LYAR: variants seen among roughly 807,000 people sequenced by gnomAD.
LYAR encodes the protein Ly1 antibody reactive.
A neutral mutation model predicts 45.2 loss-of-function variants in LYAR; 37 were observed. That is an observed-to-expected ratio of 0.82 (90% CI 0.63 to 1.08). The LOEUF is 1.08. Among genes scored for constraint, LYAR ranks in the 50% least tolerant of loss-of-function variants. LYAR has a pLI of 0.00. For missense variants in LYAR, 493 were observed against 451.0 expected (o/e 1.09, Z -0.84); for synonymous variants, 176 against 155.1 (o/e 1.14, Z -1.00).
Position 4,279,607 on chromosome 4 carries a change from C to T in LYAR, c.345+35G>A, listed in dbSNP as rs762451423. Reference sequence around the variant, plus strand: ...CACAAGCTCAGTCACTGATGGGCCACACGGCCCCCTCCATTCAAGAAAGTC... The same window carrying T: ...CACAAGCTCAGTCACTGATGGGCCATACGGCCCCCTCCATTCAAGAAAGTC... On this transcript the variant is annotated intron_variant, in intron 5 of 9. Coordinates refer to ENST00000343470, the MANE Select transcript of LYAR (RefSeq NM_017816.3). The T allele has an allele frequency of 7.0e-6, 11 of 1,563,754 alleles. No homozygotes were observed. The South Asian group carries it at 1.2e-4, about 17-fold the overall frequency.
chr4:4,275,560 T>C (rs556538735), intron 6 of LYAR, among the ~76,000 whole-genome samples: 19 of 152,116 alleles, frequency 1.2e-4, no homozygotes, highest in South Asian at 4.2e-4. Context: ...CACGCCTGCC[T>C]CAGACTCCCA....
intron 4 of LYAR, among the ~76,000 whole-genome samples, chr4:4,279,976 G>A (rs1719334849): frequency 2.6e-5 from 4 of 152,180 alleles, no homozygotes; most frequent in African/African-American, 4.8e-5. Context: ...CATCCTAACT[G>A]CAAAGGATGA....
chr4:4,274,609 T>C lies in LYAR; in HGVS notation c.590A>G (p.Lys197Arg). 1 of 1,614,064 alleles carries C rather than the reference T, an allele frequency of 6.2e-7. No individual in the cohort carries two copies. Among genetic ancestry groups the C allele is most frequent in the African/African-American group, 1.3e-5 (1 of 75,038 alleles). ...NKRERKEERQ[K>R]KRKREKKELK... ...TTCTTTCTTTTCTCTTTTCCTTTTC[T>C]TCTGCCGTTCTTCCTTTCTTTCTCT... Residue 197 changes from lysine to arginine, a missense_variant, in exon 7 of 10, where the codon AAG becomes AGG. By Grantham distance (26) the Lys-to-Arg change is conservative. Coordinates refer to ENST00000343470, the MANE Select transcript of LYAR (RefSeq NM_017816.3).
intron 8 of LYAR, among the ~76,000 whole-genome samples, chr4:4,272,139 C>T (rs750515510): frequency 6.6e-6 from 1 of 152,048 alleles, no homozygotes; most frequent in Non-Finnish European, 1.5e-5. Flanking sequence ...TGCGCAATGG[C>T]GATGGAAATG....
At chr4:4,281,652 C>T in intron 4 of LYAR, 131 bp downstream of exon 4, 1 of 686,248 alleles carries the variant, frequency 1.5e-6, no homozygotes, top group Non-Finnish European at 2.6e-6. Context: ...TTAGTTCAAC[C>T]TGTCTATCCT....
intron 8 of LYAR, 101 bp downstream of exon 8, chr4:4,273,482 G>A (rs915072616): frequency 2.5e-5 from 19 of 767,550 alleles, no homozygotes; most frequent in Non-Finnish European, 4.0e-5. Flanking sequence ...TCACACTCCT[G>A]AGCTCAAGTG....
intron 6 of LYAR, among the ~76,000 whole-genome samples, chr4:4,277,478 G>A (rs1719230898): frequency 1.3e-5 from 2 of 152,132 alleles, no homozygotes; most frequent in Admixed American, 1.3e-4. Context: ...GAGGGAGGGA[G>A]GCACACATTT....
At chr4:4,278,857 T>G (rs1352348771) in intron 6 of LYAR, among the ~76,000 whole-genome samples, 1 of 152,236 alleles carries the variant, frequency 6.6e-6, no homozygotes, top group East Asian at 1.9e-4. Flanking sequence ...GCTCCTGTTC[T>G]TTCTTTCCCA....
At chr4:4,285,465 A>G (rs530275745) in intron 2 of LYAR, among the ~76,000 whole-genome samples, 7 of 152,328 alleles carry the variant, frequency 4.6e-5, no homozygotes, top group South Asian at 4.1e-4. Flanking sequence ...AAGAGCAGCT[A>G]TCCTGCCTGA....
intron 6 of LYAR, among the ~76,000 whole-genome samples, chr4:4,279,177 CAAAAA>C (rs1193804496): frequency 6.9e-6 from 1 of 145,824 alleles, no homozygotes; most frequent in Non-Finnish European, 1.5e-5. Context: ...AAAAAAAATA[CAAAAA>C]ATTAGCTGGG....
intron 6 of LYAR, among the ~76,000 whole-genome samples, chr4:4,277,531 C>T (rs577652031): frequency 1.1e-4 from 17 of 152,272 alleles, no homozygotes; most frequent in Admixed American, 1.0e-3. Context: ...ACCAATTCTT[C>T]CCCATCTTCT....
intron 6 of LYAR, 92 bp downstream of exon 6, chr4:4,279,355 G>C (rs1347699368): frequency 1.2e-6 from 1 of 858,402 alleles, no homozygotes; most frequent in East Asian, 2.5e-5. Context: ...TAAAAAAGAA[G>C]GCTGCCTTGA....
chr4:4,269,069 T>C (rs550711647), intron 8 of LYAR: 1 of 153,704 alleles, frequency 6.5e-6, no homozygotes, highest in African/African-American at 2.4e-5. Context: ...ACTTTCCCCT[T>C]CCTCCTGCCC....
chr4:4,270,621 G>A (rs1718896835), intron 8 of LYAR, among the ~76,000 whole-genome samples: 1 of 147,014 alleles, frequency 6.8e-6, no homozygotes, highest in African/African-American at 2.5e-5. Context: ...TTTAAAAAAA[G>A]AGAGCAGACA....
chr4:4,272,487 G>T (rs1718975326), intron 8 of LYAR, among the ~76,000 whole-genome samples: 1 of 152,012 alleles, frequency 6.6e-6, no homozygotes, highest in African/African-American at 2.4e-5. Flanking sequence ...TATAAATGAG[G>T]CACAGTAAAA....
intron 4 of LYAR, among the ~76,000 whole-genome samples, chr4:4,280,541 A>G (rs1577216444): frequency 6.6e-6 from 1 of 152,242 alleles, no homozygotes; most frequent in African/African-American, 2.4e-5. Context: ...CAAAGCTGTA[A>G]TAAGTTTCTG....
Position 4,274,549 on chromosome 4 carries a change from T to C in LYAR, c.650A>G (p.Asn217Ser). Residue 217 changes from asparagine to serine, a missense_variant, in exon 7 of 10, where the codon AAT (asparagine) becomes AGT (serine). Physicochemically the swap from Asn to Ser is conservative, Grantham distance 46. Coordinates refer to ENST00000343470, the MANE Select transcript of LYAR (RefSeq NM_017816.3). ...KLENHQENSR[N>S]QKPKKRKKGQ... is the part of the protein sequence containing the mutation. ...CTTTTTGCGCTTCTTAGGCTTCTGATTCCTTGAGTTTTCCTGGTGGTTTTC... is the reference window on the plus strand; with the variant it reads ...CTTTTTGCGCTTCTTAGGCTTCTGACTCCTTGAGTTTTCCTGGTGGTTTTC... 6.2e-7 allele frequency: 1 copy of C among 1,614,080 alleles called. No individual in the cohort carries two copies.
Position 4,274,461 on chromosome 4 carries a change from C to T in LYAR, c.738G>A (p.Gly246=). ...EEVPEANGSA[G]KRSKKKKQRK... ...GCTGCTTCTTCTTCTTGCTCCTCTT[C>T]CCTGCAGAGCCATTGGCCTCAGGGA... is the stretch of plus-strand genomic sequence containing the variant. The change falls in exon 7 of 10, where the codon GGG becomes GGA. Residue 246 remains glycine, a synonymous_variant. Transcript: ENST00000343470. The T allele has an allele frequency of 6.2e-7, 1 of 1,614,198 alleles. No individual in the cohort carries two copies. Among genetic ancestry groups the T allele is most frequent in the Non-Finnish European group, 8.5e-7 (1 of 1,180,030 alleles).
intron 8 of LYAR, among the ~76,000 whole-genome samples, chr4:4,271,566 T>G (rs762269078): frequency 8.5e-5 from 13 of 152,222 alleles, no homozygotes; most frequent in Admixed American, 2.6e-4. Flanking sequence ...GGAGCTCTAT[T>G]CTTAGGTTTC....
Sources: allele counts gnomAD v4.1 joint callset (sites outside exome capture counted in the v4.1 genomes callset), GRCh38; gene constraint gnomAD v4.1.1; transcripts MANE v1.5; gene names NCBI Gene and HGNC (gene_info 2026-07-23, HGNC 2026-07-21).